TENM1: variants seen among roughly 807,000 people sequenced by gnomAD.
The protein encoded by TENM1 is teneurin-1.
Under a neutral mutation model 174.8 loss-of-function variants are expected in TENM1, and 35 were observed. The observed-to-expected ratio is 0.20, with a 90% confidence interval of 0.15 to 0.27. The LOEUF (loss-of-function observed/expected upper bound fraction) is 0.27, where lower values mean the gene tolerates loss of function less well. Among genes scored for constraint, TENM1 ranks in the 10% least tolerant of loss-of-function variants. The pLI, the probability that TENM1 is intolerant of heterozygous loss-of-function variation, is 1.00. For synonymous variants in TENM1, 781 were observed against 798.7 expected, an observed-to-expected ratio of 0.98 and a Z score of 0.37; for missense variants, 1,633 against 2,130.1, an observed-to-expected ratio of 0.77 and a Z score of 4.59.
chrX:124,780,034 A>C (rs986288649), intron 3 of TENM1, among the ~76,000 whole-genome samples: 1 of 111,892 alleles, frequency 8.9e-6, no homozygotes, highest in Non-Finnish European at 1.9e-5. Flanking sequence ...CCCCATTTTA[A>C]GAGGATCATT....
At chrX:124,811,531 C>T (rs751796156) in intron 3 of TENM1, among the ~76,000 whole-genome samples, 1 of 111,094 alleles carries the variant, frequency 9.0e-6, no homozygotes, top group Admixed American at 9.5e-5. Flanking sequence ...TTGGCAAGGA[C>T]GTGGAGAAAA....
chrX:124,476,919 T>C (rs148313295), intron 22 of TENM1, among the ~76,000 whole-genome samples: 61 of 112,624 alleles, frequency 5.4e-4, no homozygotes, highest in African/African-American at 1.9e-3. Flanking sequence ...CATCAACCTC[T>C]TTTCGAAACT....
At chrX:124,785,095 C>T (rs2055004669) in intron 3 of TENM1, among the ~76,000 whole-genome samples, 2 of 111,238 alleles carry the variant, frequency 1.8e-5, no homozygotes, top group South Asian at 7.6e-4. Context: ...CATGAAAGTC[C>T]TCCCAAATTT....
intron 14 of TENM1, among the ~76,000 whole-genome samples, chrX:124,551,487 G>C (rs769144301): frequency 4.6e-5 from 5 of 108,885 alleles, no homozygotes; most frequent in African/African-American, 1.3e-4. Context: ...AATTTTTTAA[G>C]AGGGTAGACC....
At chrX:125,027,605 CTTTTT>C in the TENM1 span, among the ~76,000 whole-genome samples, 1 of 93,982 alleles carries the variant, frequency 1.1e-5, no homozygotes, top group Admixed American at 1.1e-4. Context: ...ATTTCTTTTT[CTTTTT>C]CTTTTTTTTT....
At chrX:124,534,401 C>T (rs925518679) in intron 15 of TENM1, among the ~76,000 whole-genome samples, 9 of 111,934 alleles carry the variant, frequency 8.0e-5, no homozygotes, top group East Asian at 2.8e-4. Context: ...CTTTTGTCTT[C>T]GGTGTCAAAT....
At chrX:124,381,337 C>T in intron 31 of TENM1, 43 bp from the exon 35 acceptor site, 1 of 1,123,505 alleles carries the variant, frequency 8.9e-7, no homozygotes, top group Non-Finnish European at 1.2e-6. Flanking sequence ...TGGAGTTAGA[C>T]ATCTGTCAGA....
chrX:124,591,264 C>T (rs2049734293), intron 11 of TENM1, among the ~76,000 whole-genome samples: 1 of 111,379 alleles, frequency 9.0e-6, no homozygotes, highest in Non-Finnish European at 1.9e-5. Context: ...GGTTTTGATC[C>T]TATCCTGAAG....
intron 22 of TENM1, among the ~76,000 whole-genome samples, chrX:124,473,805 C>A (rs1027675276): frequency 8.9e-6 from 1 of 111,752 alleles, no homozygotes; most frequent in Non-Finnish European, 1.9e-5. Context: ...CAATTCCCTG[C>A]ACCACATACT....
At chrX:124,580,394 T>TTA (rs773304429) in intron 11 of TENM1, among the ~76,000 whole-genome samples, 119 of 109,811 alleles carry the variant, frequency 1.1e-3, no homozygotes, top group East Asian at 1.4e-3. Flanking sequence ...ATGTGGAATC[T>TTA]TATATATATA....
chrX:124,391,812 A>G (rs889492791), intron 28 of TENM1, among the ~76,000 whole-genome samples: 1 of 112,132 alleles, frequency 8.9e-6, no homozygotes, highest in Non-Finnish European at 1.9e-5. Flanking sequence ...GGAGAAAGCT[A>G]AGCCGTTATT....
chrX:125,073,803 T>C, the TENM1 span, among the ~76,000 whole-genome samples: 71 of 111,778 alleles, frequency 6.4e-4, 1 homozygote, highest in African/African-American at 2.3e-3. Context: ...ACTTAATAAG[T>C]TCCTTCCAAG....
intron 14 of TENM1, among the ~76,000 whole-genome samples, chrX:124,552,740 C>T (rs1423795130): frequency 9.0e-6 from 1 of 111,524 alleles, no homozygotes; most frequent in Non-Finnish European, 1.9e-5. Flanking sequence ...ATCTCCTTCC[C>T]ACTCCTCTGG....
At chrX:124,503,603 T>A (rs1272409548) in exon 19 of TENM1, 1 of 1,208,704 alleles carries the variant, frequency 8.3e-7, no homozygotes. Context: ...AAGACCAGCC[T>A]CCTAGGTTAG....
At chrX:125,055,608 A>G in the TENM1 span, among the ~76,000 whole-genome samples, 1 of 111,465 alleles carries the variant, frequency 9.0e-6, no homozygotes, top group Non-Finnish European at 1.9e-5. Flanking sequence ...TAAATTCAAT[A>G]AAACCACTTA....
At chrX:125,012,583 A>G in the TENM1 span, among the ~76,000 whole-genome samples, 16 of 111,998 alleles carry the variant, frequency 1.4e-4, no homozygotes, top group African/African-American at 4.9e-4. Context: ...TCTAATAACT[A>G]AAGTGTTTCA....
At chrX:124,858,772 A>C (rs2056858503) in intron 3 of TENM1, among the ~76,000 whole-genome samples, 2 of 111,557 alleles carry the variant, frequency 1.8e-5, no homozygotes, top group South Asian at 7.5e-4. Context: ...CGATATCTGA[A>C]GCAAAGCAAA....
the TENM1 span, among the ~76,000 whole-genome samples, chrX:125,076,904 T>C: frequency 9.0e-6 from 1 of 111,220 alleles, no homozygotes; most frequent in African/African-American, 3.3e-5. Context: ...AAAATTTTTT[T>C]TTTCATCCAG....
chrX:125,035,911 G>T, the TENM1 span, among the ~76,000 whole-genome samples: 1 of 110,679 alleles, frequency 9.0e-6, no homozygotes, highest in African/African-American at 3.3e-5. Flanking sequence ...ACAATAGCAT[G>T]TCACTCTCAA....
Sources: allele counts gnomAD v4.1 joint callset (sites outside exome capture counted in the v4.1 genomes callset), GRCh38; gene constraint gnomAD v4.1.1; transcripts MANE v1.5; gene names NCBI Gene and HGNC (gene_info 2026-07-23, HGNC 2026-07-21).